The following FYB2 variants were observed in gnomAD, a reference collection of about 807,000 sequenced individuals.
FYB2 encodes FYN-binding protein 2.
FYB2 carries 103 observed loss-of-function variants against 94.1 expected under a neutral mutation model. The ratio of observed to expected loss-of-function variants is 1.09; its 90% CI spans 0.93 to 1.29. The LOEUF (loss-of-function observed/expected upper bound fraction) is 1.29. Among genes scored for constraint, FYB2 ranks in the 50% most tolerant of loss-of-function variants. The pLI, the probability that FYB2 is intolerant of heterozygous loss-of-function variation, is 0.00. For synonymous variants in FYB2, 293 were observed against 287.9 expected, an observed-to-expected ratio of 1.02 and a Z score of -0.18; for missense variants, 896 against 841.5, an observed-to-expected ratio of 1.06 and a Z score of -0.80.
intron 5 of FYB2, among the ~76,000 whole-genome samples, chr1:56,766,431 C>CT (rs1026883564): frequency 1.5e-4 from 23 of 151,118 alleles, no homozygotes; most frequent in East Asian, 5.8e-4. Flanking sequence ...CCCCTTATTT[C>CT]TTTTTTTTTC....
intron 5 of FYB2, among the ~76,000 whole-genome samples, chr1:56,760,305 A>C (rs938005355): frequency 6.6e-6 from 1 of 152,144 alleles, no homozygotes; most frequent in African/African-American, 2.4e-5. Flanking sequence ...AACTGACTGA[A>C]CAATATGTTG....
chr1:56,756,774 T>C (rs564146737), intron 6 of FYB2, among the ~76,000 whole-genome samples: 2 of 152,252 alleles, frequency 1.3e-5, no homozygotes, highest in South Asian at 2.1e-4. Flanking sequence ...AGGGTAACTA[T>C]AAGGGTTAAG....
chr1:56,791,355 A>G (rs1158564673), intron 2 of FYB2, among the ~76,000 whole-genome samples: 1 of 151,692 alleles, frequency 6.6e-6, no homozygotes, highest in African/African-American at 2.4e-5. Flanking sequence ...TCCCAGGTTC[A>G]AGCAATTCTT....
intron 15 of FYB2, among the ~76,000 whole-genome samples, chr1:56,734,317 AGATGGGTCTCCTGAATACAGCACACT>A (rs139772534): frequency 0.046 from 7,016 of 152,106 alleles, 276 homozygotes; most frequent in African/African-American, 0.096. Flanking sequence ...TTTGCACATG[AGATGGGTCTCCTGAATACAGCACACT>A]GATGGGTCTT....
upstream of FYB2, among the ~76,000 whole-genome samples, chr1:56,822,568 G>A (rs1459645384): frequency 6.6e-6 from 1 of 152,142 alleles, no homozygotes; most frequent in Non-Finnish European, 1.5e-5. Context: ...TCGGGGAACT[G>A]AGCAGCAGAA....
chr1:56,816,685 C>T (rs568118194), intron 1 of FYB2, among the ~76,000 whole-genome samples: 98 of 152,272 alleles, frequency 6.4e-4, no homozygotes, highest in Non-Finnish European at 1.2e-3. Context: ...ATGATACCTC[C>T]TGCCTGGGCC....
At chr1:56,797,635 T>C (rs1290283211) in intron 1 of FYB2, among the ~76,000 whole-genome samples, 3 of 152,160 alleles carry the variant, frequency 2.0e-5, no homozygotes, top group Non-Finnish European at 4.4e-5. Context: ...TGGCAGAGGT[T>C]CCTGTGCTAC....
chr1:56,804,856 A>G (rs563110175), intron 1 of FYB2, among the ~76,000 whole-genome samples: 1 of 152,326 alleles, frequency 6.6e-6, no homozygotes, highest in South Asian at 2.1e-4. Context: ...CCTTAGCCAA[A>G]CACATAAGGT....
intron 1 of FYB2, among the ~76,000 whole-genome samples, chr1:56,799,545 A>G (rs1016340924): frequency 4.6e-5 from 7 of 152,230 alleles, no homozygotes; most frequent in Non-Finnish European, 1.0e-4. Context: ...TTAATAAATT[A>G]CATGGCCATT....
At chr1:56,812,550 C>T (rs910565082) in intron 1 of FYB2, among the ~76,000 whole-genome samples, 1 of 152,128 alleles carries the variant, frequency 6.6e-6, no homozygotes, top group Non-Finnish European at 1.5e-5. Context: ...TTATTTGTAA[C>T]TTCTCTGTAT....
rs541033183 is a variant in FYB2, at chr1:56,763,750, A to G, written c.1063+4079T>C. On this transcript the variant is annotated intron_variant, in intron 5 of 19. Transcript: ENST00000343433. ...TTATTGATTTTTTTTCAAAGAACAC[A>G]TCTTTAATTCCACTGATTTTCTCTA... Among the ~76,000 whole-genome samples the G allele has an allele frequency of 2.6e-5, 4 of 152,052 alleles. No individual in the cohort carries two copies. The South Asian group carries it at 6.2e-4, about 24-fold the overall frequency.
chr1:56,738,064 T>C (rs968496631), intron 14 of FYB2, among the ~76,000 whole-genome samples: 4 of 152,128 alleles, frequency 2.6e-5, no homozygotes, highest in Non-Finnish European at 4.4e-5. Context: ...GACCCTCTTT[T>C]ATTGACAAAT....
intron 4 of FYB2, among the ~76,000 whole-genome samples, chr1:56,770,658 AG>A (rs1343506148): frequency 6.6e-6 from 1 of 152,156 alleles, no homozygotes; most frequent in Non-Finnish European, 1.5e-5. Context: ...AAAGTGAAAA[AG>A]GTTATTTTAA....
intron 4 of FYB2, among the ~76,000 whole-genome samples, chr1:56,769,015 T>C (rs1393751607): frequency 6.6e-6 from 1 of 151,940 alleles, no homozygotes; most frequent in African/African-American, 2.4e-5. Context: ...GTAGAAGGAA[T>C]TGGTGAATTA....
At chr1:56,780,356 G>A (rs1396156864) in intron 4 of FYB2, among the ~76,000 whole-genome samples, 1 of 152,180 alleles carries the variant, frequency 6.6e-6, no homozygotes, top group Non-Finnish European at 1.5e-5. Context: ...CCTAAGGCAG[G>A]CGTTCAAGAA....
intron 1 of FYB2, among the ~76,000 whole-genome samples, chr1:56,815,369 G>T (rs1646859860): frequency 6.6e-6 from 1 of 152,104 alleles, no homozygotes; most frequent in Non-Finnish European, 1.5e-5. Context: ...TTCCATCAAA[G>T]CTTGTGCCTT....
At chr1:56,809,674 C>T (rs1413536730) in intron 1 of FYB2, among the ~76,000 whole-genome samples, 1 of 152,206 alleles carries the variant, frequency 6.6e-6, no homozygotes, top group Non-Finnish European at 1.5e-5. Context: ...GCTCCTGTCC[C>T]TGCTCCATTG....
At chr1:56,824,804 C>A in the FYB2 span, 4 of 152,286 alleles carry the variant, frequency 2.6e-5, no homozygotes, top group Non-Finnish European at 5.9e-5. Context: ...CTGCCAAGAG[C>A]TGGTGTGACA....
chr1:56,753,804 A>G (rs766476057), intron 8 of FYB2, 35 bp downstream of exon 8: 2 of 1,451,834 alleles, frequency 1.4e-6, no homozygotes, highest in Admixed American at 1.7e-5. Flanking sequence ...GATCTGTTAT[A>G]TGTCTAAACT....
Sources: allele counts gnomAD v4.1 joint callset (sites outside exome capture counted in the v4.1 genomes callset), GRCh38; gene constraint gnomAD v4.1.1; transcripts MANE v1.5; gene names NCBI Gene and HGNC (gene_info 2026-07-23, HGNC 2026-07-21).